RHEB: variants seen among roughly 807,000 people sequenced by gnomAD.
The protein encoded by RHEB is Ras homolog, mTORC1 binding.
RHEB carries 2 observed loss-of-function variants against 28.8 expected under a neutral mutation model. That is an observed-to-expected ratio of 0.07 (90% confidence interval 0.03 to 0.22). RHEB has a LOEUF of 0.22. Among genes scored for constraint, RHEB ranks in the 10% least tolerant of loss-of-function variants. RHEB has a pLI of 1.00. For missense variants in RHEB, 76 were observed against 219.9 expected, an observed-to-expected ratio of 0.35 and a Z score of 4.14; for synonymous variants, 69 against 77.3, an observed-to-expected ratio of 0.89 and a Z score of 0.56.
At chr7:151,467,942 G>C (rs1431683242) in intron 7 of RHEB, among the ~76,000 whole-genome samples, 2 of 151,974 alleles carry the variant, frequency 1.3e-5, no homozygotes, top group African/African-American at 4.8e-5. Flanking sequence ...AGGTTTCTAT[G>C]TTGCCCAGGC....
At chr7:151,503,312 C>T in intron 1 of RHEB, 1 of 817,534 alleles carries the variant, frequency 1.2e-6, no homozygotes, top group East Asian at 2.4e-5. Context: ...AAATTTGGAG[C>T]TATGTTGGAA....
intron 1 of RHEB, among the ~76,000 whole-genome samples, chr7:151,500,177 A>G (rs968153615): frequency 1.6e-4 from 24 of 152,262 alleles, no homozygotes; most frequent in African/African-American, 4.6e-4. Flanking sequence ...CAGAAGAGTG[A>G]CATGAGAAGA....
intron 4 of RHEB, among the ~76,000 whole-genome samples, chr7:151,476,793 C>G (rs764167797): frequency 5.9e-5 from 9 of 152,222 alleles, no homozygotes; most frequent in Non-Finnish European, 1.2e-4. Flanking sequence ...ACACAGACCA[C>G]TGCTCCTCCT....
intron 3 of RHEB, among the ~76,000 whole-genome samples, chr7:151,477,755 G>C (rs953905897): frequency 4.6e-5 from 7 of 152,154 alleles, no homozygotes; most frequent in African/African-American, 1.2e-4. Context: ...GAACCTTCTA[G>C]ACCTCAGGAC....
At chr7:151,519,339 G>A in intron 1 of RHEB, 121 bp downstream of exon 1, 2 of 625,646 alleles carry the variant, frequency 3.2e-6, no homozygotes, top group Admixed American at 4.9e-5. Context: ...CGAAACGCGC[G>A]GCCCCCGCCC....
chr7:151,479,632 G>A (rs868586632), intron 3 of RHEB, among the ~76,000 whole-genome samples: 3 of 146,570 alleles, frequency 2.0e-5, no homozygotes, highest in South Asian at 2.1e-4. Context: ...GCAGTGAGCC[G>A]AGATCGCGCC....
In RHEB at chr7:151,485,054, G is replaced by A. The variant is rs542106165; in HGVS notation, c.125-250C>T. ...ATTCTTTTTCAAAGAGACAAAGTAC[G>A]CAACAATTCATATCCTATAATAGTA... On this transcript the variant is annotated intron_variant, in intron 2 of 7. Coordinates refer to ENST00000262187, the MANE Select transcript of RHEB (RefSeq NM_005614.4). Among the ~76,000 whole-genome samples, 3 of 152,250 alleles carry A rather than the reference G, an allele frequency of 2.0e-5. No individual in the cohort carries two copies. The South Asian group carries it at 6.2e-4, about 32-fold the overall frequency.
chr7:151,508,166 A>C (rs1334724380), intron 1 of RHEB, among the ~76,000 whole-genome samples: 1 of 152,196 alleles, frequency 6.6e-6, no homozygotes, highest in Non-Finnish European at 1.5e-5. Context: ...AGAAAAGCAA[A>C]GACAAAAATT....
At position 151,466,338 on chromosome 7, in the gene RHEB, G is replaced by C. The variant is rs948059859; in HGVS notation, c.*781C>G. ...TCATCTCCTGTCTGACACGGACATC[G>C]AGCTAAGCTATGAGCAAGGGCGAAC... On this transcript the variant is annotated 3_prime_UTR_variant, in exon 8 of 8. Transcript: ENST00000262187. 6.6e-6 allele frequency: 1 copy of C among 152,284 alleles called. No homozygotes were observed. The highest frequency in any genetic ancestry group is 6.5e-5 in the Admixed American group (1 of 15,284). 9.4% of individuals were successfully genotyped at this position (152,284 alleles called of 1,614,324 possible).
Position 151,519,556 on chromosome 7 carries a change from G to A in RHEB, c.-45C>T. The A allele has an allele frequency of 6.6e-7, 1 of 1,510,528 alleles. No homozygotes were observed. The highest frequency in any genetic ancestry group is 8.9e-7 in the Non-Finnish European group (1 of 1,125,650). 93.6% of individuals were successfully genotyped at this position (1,510,528 alleles called of 1,614,324 possible). A position where few individuals can be genotyped will look rare whatever the true frequency, so the allele number is the denominator to read the frequency against. On this transcript the variant is annotated 5_prime_UTR_variant, in exon 1 of 8. Transcript: ENST00000262187. ...CCGGCCCAACCACATCAACCGCGGCGGCGGTGGCTCCTGCTGCTGTGATCG... is the reference window on the plus strand; with the variant it reads ...CCGGCCCAACCACATCAACCGCGGCAGCGGTGGCTCCTGCTGCTGTGATCG...
intron 2 of RHEB, among the ~76,000 whole-genome samples, chr7:151,489,969 C>G (rs771312907): frequency 6.6e-6 from 1 of 152,158 alleles, no homozygotes; most frequent in Non-Finnish European, 1.5e-5. Flanking sequence ...GTCTAATATG[C>G]CAATCAGGTG....
At chr7:151,486,576 A>C (rs1208211596) in intron 2 of RHEB, among the ~76,000 whole-genome samples, 2 of 152,226 alleles carry the variant, frequency 1.3e-5, no homozygotes, top group Non-Finnish European at 2.9e-5. Context: ...GTAGATAGCT[A>C]ACTAGGATGG....
At chr7:151,517,893 G>C (rs568000236) in intron 1 of RHEB, 1 of 152,238 alleles carries the variant, frequency 6.6e-6, no homozygotes, top group African/African-American at 2.4e-5. Context: ...GTACTTACTT[G>C]ACTGACTAGG....
At position 151,467,042 on chromosome 7, in the gene RHEB, T is replaced by C; in HGVS notation, c.*77A>G. The C allele has an allele frequency of 9.5e-7, 1 of 1,052,054 alleles. No individual in the cohort carries two copies. The highest frequency in any genetic ancestry group is 1.8e-5 in the Admixed American group (1 of 55,536). 65.2% of individuals were successfully genotyped at this position (1,052,054 alleles called of 1,614,324 possible). On this transcript the variant is annotated 3_prime_UTR_variant, in exon 8 of 8. Transcript: ENST00000262187. ...TTAACAGAAGAAAAAAGAAGCATAG[T>C]TTATCTTCAAGGAGAACGGGCAGTT...
At chr7:151,487,521 A>G (rs1802500352) in intron 2 of RHEB, among the ~76,000 whole-genome samples, 1 of 146,998 alleles carries the variant, frequency 6.8e-6, no homozygotes, top group South Asian at 2.1e-4. Context: ...CATAGTGTAT[A>G]AAAGAAAAAA....
chr7:151,505,689 C>T (rs1361048315), intron 1 of RHEB, among the ~76,000 whole-genome samples: 1 of 152,182 alleles, frequency 6.6e-6, no homozygotes, highest in East Asian at 1.9e-4. Context: ...TCCACGAAGA[C>T]ATTTACTCAA....
intron 3 of RHEB, among the ~76,000 whole-genome samples, chr7:151,482,842 C>G (rs1802402067): frequency 6.6e-6 from 1 of 152,190 alleles, no homozygotes; most frequent in Non-Finnish European, 1.5e-5. Context: ...AAAACAATTT[C>G]CTACTCAAGC....
intron 1 of RHEB, chr7:151,501,919 C>A: frequency 1.4e-6 from 1 of 721,118 alleles, no homozygotes. Context: ...ACGTGGAGTT[C>A]TGGAAGATCA....
chr7:151,467,389 C>G (rs1334918640), intron 7 of RHEB, among the ~76,000 whole-genome samples, 178 bp from the exon 8 acceptor site: 2 of 152,098 alleles, frequency 1.3e-5, no homozygotes, highest in Non-Finnish European at 2.9e-5. Context: ...CTGTCCACCC[C>G]TCCTGACCCA....
Sources: gnomAD v4.1 joint callset for allele counts (sites outside exome capture counted in the v4.1 genomes callset) on GRCh38, gnomAD v4.1.1 for gene constraint, MANE v1.5 for transcripts, NCBI Gene and HGNC (gene_info 2026-07-23, HGNC 2026-07-21) for gene names.